MCTP2: variants seen among roughly 807,000 people sequenced by gnomAD.
MCTP2 encodes the protein multiple C2 and transmembrane domain containing 2.
A neutral mutation model predicts 111.6 loss-of-function variants in MCTP2; 132 were observed. The observed-to-expected ratio is 1.18, with a 90% CI of 1.03 to 1.37. The LOEUF (loss-of-function observed/expected upper bound fraction) is 1.37, where lower values mean the gene tolerates loss of function less well. Ranked by LOEUF, MCTP2 falls within the 40% of genes most tolerant of loss-of-function variation. The probability of loss-of-function intolerance (pLI) is 0.00; values close to 1 mark genes in which losing one functional copy is unlikely to be tolerated. For synonymous variants in MCTP2, 395 were observed against 387.7 expected, an observed-to-expected ratio of 1.02 and a Z score of -0.22; for missense variants, 1,183 against 1,067.9, an observed-to-expected ratio of 1.11 and a Z score of -1.50.
At chr15:94,244,339 C>G (rs532617593) in intron 1 of MCTP2, among the ~76,000 whole-genome samples, 1 of 146,394 alleles carries the variant, frequency 6.8e-6, no homozygotes, top group Non-Finnish European at 1.5e-5. Flanking sequence ...TATATATACA[C>G]GTATACGTAT....
chr15:94,420,553 T>C (rs2082577943), intron 17 of MCTP2, among the ~76,000 whole-genome samples: 1 of 152,052 alleles, frequency 6.6e-6, no homozygotes, highest in Non-Finnish European at 1.5e-5. Context: ...AAGGAGTCGA[T>C]TGCAGCCTTC....
Position 94,402,033 on chromosome 15 carries a change from C to CTTAT in MCTP2, c.2085+15_2085+18dup, listed in dbSNP as rs1455436279. ...ATAGCATTCGCGGTAAGCTTCCTTT[C>CTTAT]TTATGTTCAAACTATTTGCTTCTTA... On this transcript the variant is annotated intron_variant, in intron 17 of 22. Coordinates refer to ENST00000357742, the MANE Select transcript of MCTP2 (RefSeq NM_001385001.1). 1.2e-6 allele frequency: 2 copies of CTTAT among 1,607,994 alleles called. No homozygotes were observed. The highest frequency in any genetic ancestry group is 1.3e-5 in the African/African-American group (1 of 74,530).
At chr15:94,334,723 T>C (rs1326005568) in intron 4 of MCTP2, among the ~76,000 whole-genome samples, 2 of 152,026 alleles carry the variant, frequency 1.3e-5, no homozygotes, top group African/African-American at 2.4e-5. Context: ...CTTTTTTTTT[T>C]TCGGTGGAGA....
intron 17 of MCTP2, among the ~76,000 whole-genome samples, chr15:94,438,936 A>C (rs1024472620): frequency 1.3e-5 from 2 of 152,170 alleles, no homozygotes; most frequent in Non-Finnish European, 2.9e-5. Context: ...GAAATCAAGC[A>C]GGAAAAAAAT....
intron 8 of MCTP2, among the ~76,000 whole-genome samples, chr15:94,354,895 G>C (rs61605427): frequency 0.068 from 10,301 of 152,230 alleles, 441 homozygotes; most frequent in African/African-American, 0.11. Context: ...GGAAGATATA[G>C]CGAGCGATGA....
At chr15:94,457,991 C>A in intron 19 of MCTP2, 146 bp from the exon 20 acceptor site, 1 of 557,702 alleles carries the variant, frequency 1.8e-6, no homozygotes, top group Non-Finnish European at 3.2e-6. Flanking sequence ...GGGGGGGAGT[C>A]AATATTTAAG....
rs576424026 is a variant in MCTP2 at position 94,483,885 on chromosome 15, T to C, written c.*4851T>C. On this transcript the variant is annotated 3_prime_UTR_variant, in exon 23 of 23. Coordinates refer to ENST00000357742, the MANE Select transcript of MCTP2 (RefSeq NM_001385001.1). ...TGTTCTATCAAAACCTGCCTCTCAT[T>C]TATGTATTAGGAATCTTGTGACAAC... 1 of 152,302 alleles carries C rather than the reference T, an allele frequency of 6.6e-6. No homozygotes were observed. Among genetic ancestry groups the C allele is most frequent in the South Asian group, 2.1e-4 (1 of 4,828 alleles). The allele number at this position is 152,302 out of a possible 1,614,324, so 9.4% of individuals were successfully genotyped here.
At chr15:94,339,171 T>C (rs1168596679) in intron 4 of MCTP2, 119 bp from the exon 5 acceptor site, 3 of 693,432 alleles carry the variant, frequency 4.3e-6, no homozygotes, top group Non-Finnish European at 6.8e-6. Flanking sequence ...TCCGAGCCCT[T>C]TAATCTCTGT....
intron 1 of MCTP2, among the ~76,000 whole-genome samples, chr15:94,280,881 C>A (rs2074446070): frequency 6.6e-6 from 1 of 151,998 alleles, no homozygotes; most frequent in African/African-American, 2.4e-5. Context: ...GTTTAATTTC[C>A]ATGTTATTGT....
chr15:94,366,670 T>G (rs936856051), intron 10 of MCTP2, among the ~76,000 whole-genome samples: 1 of 152,166 alleles, frequency 6.6e-6, no homozygotes, highest in Non-Finnish European at 1.5e-5. Flanking sequence ...GTCTTGAATA[T>G]TCATCTTATT....
At chr15:94,457,979 TG>T (rs1555479412) in intron 19 of MCTP2, among the ~76,000 whole-genome samples, 157 bp from the exon 20 acceptor site, 19 of 151,788 alleles carry the variant, frequency 1.3e-4, no homozygotes, top group Admixed American at 6.6e-4. Flanking sequence ...CAGATTTTTC[TG>T]GGGGGGGAGT....
chr15:94,239,413 C>T lies in MCTP2; in HGVS notation c.-66+7749C>T, dbSNP rs904818885. On this transcript the variant is annotated intron_variant, in intron 1 of 22. Transcript: ENST00000357742. ...TTATTTTCACTGGGTCAATTGGTGA[C>T]AACATCTGTTGGGTAGAATCTGTCC... 1.4e-4 allele frequency among the ~76,000 whole-genome samples: 22 copies of T among 152,168 alleles called. 1 individual carries two copies.
chr15:94,330,458 T>A (rs897226417), intron 4 of MCTP2, among the ~76,000 whole-genome samples: 1 of 152,208 alleles, frequency 6.6e-6, no homozygotes, highest in African/African-American at 2.4e-5. Context: ...ATTTCACCCT[T>A]TATACAGATT....
chr15:94,283,276 T>A (rs2074583714), intron 1 of MCTP2, among the ~76,000 whole-genome samples: 1 of 152,154 alleles, frequency 6.6e-6, no homozygotes, highest in Non-Finnish European at 1.5e-5. Flanking sequence ...ATTGTTCCTG[T>A]CCCATAGCAA....
chr15:94,298,830 C>T, intron 2 of MCTP2, 100 bp downstream of exon 2: 1 of 438,998 alleles, frequency 2.3e-6, no homozygotes, highest in Non-Finnish European at 3.4e-6. Flanking sequence ...CTTCCCCCCT[C>T]CCCCTCCCTC....
rs529505726 is a variant in MCTP2, at chr15:94,252,762, C to T, written c.-66+21098C>T. Among the ~76,000 whole-genome samples, 7 of 152,054 alleles carry T rather than the reference C, an allele frequency of 4.6e-5. 1 individual carries two copies. In the South Asian group the frequency reaches 1.5e-3, roughly 32 times the overall value. On this transcript the variant is annotated intron_variant, in intron 1 of 22. Coordinates refer to ENST00000357742, the MANE Select transcript of MCTP2 (RefSeq NM_001385001.1). ...TTCTCTTCAGACCTAGGTAGGGTTA[C>T]CAGCCATCAAAATAAGACATGAAAA...
At chr15:94,465,908 C>A (rs1596819697) in intron 20 of MCTP2, among the ~76,000 whole-genome samples, 1 of 152,166 alleles carries the variant, frequency 6.6e-6, no homozygotes, top group African/African-American at 2.4e-5. Flanking sequence ...CCAGTCAGTG[C>A]AGGAACCTTC....
At chr15:94,255,226 C>A (rs1177716968) in intron 1 of MCTP2, among the ~76,000 whole-genome samples, 1 of 152,180 alleles carries the variant, frequency 6.6e-6, no homozygotes, top group Non-Finnish European at 1.5e-5. Context: ...TCAAATACAT[C>A]TTTAGGGAAG....
At chr15:94,323,327 T>TA (rs1463564384) in intron 4 of MCTP2, among the ~76,000 whole-genome samples, 1 of 151,956 alleles carries the variant, frequency 6.6e-6, no homozygotes, top group Non-Finnish European at 1.5e-5. Context: ...TGTGCAGACT[T>TA]AAAAAAACAA....
Sources: gnomAD v4.1 joint callset for allele counts (sites outside exome capture counted in the v4.1 genomes callset) on GRCh38, gnomAD v4.1.1 for gene constraint, MANE v1.5 for transcripts, NCBI Gene and HGNC (gene_info 2026-07-23, HGNC 2026-07-21) for gene names.